Variants in MAMDC2 observed in about 807,000 individuals in gnomAD.
MAMDC2 encodes MAM domain containing 2.
In MAMDC2, 57 loss-of-function variants were observed where a neutral mutation model predicts 89.8. That is an observed-to-expected ratio of 0.63 (90% confidence interval 0.51 to 0.79). MAMDC2 has a LOEUF of 0.79. MAMDC2 is among the 30% of genes least tolerant of loss of function. The probability of loss-of-function intolerance (pLI) is 0.00; values close to 1 mark genes in which losing one functional copy is unlikely to be tolerated. For synonymous variants in MAMDC2, 313 were observed against 293.4 expected, an observed-to-expected ratio of 1.07 and a Z score of -0.68; for missense variants, 800 against 820.6, an observed-to-expected ratio of 0.97 and a Z score of 0.31.
chr9:70,220,403 T>C (rs973862306), intron 12 of MAMDC2, among the ~76,000 whole-genome samples: 1 of 152,192 alleles, frequency 6.6e-6, no homozygotes, highest in Non-Finnish European at 1.5e-5. Context: ...ATCCTCCCCC[T>C]TGGCTTAGAA....
chr9:70,167,254 C>A (rs1421431190), intron 9 of MAMDC2, among the ~76,000 whole-genome samples: 1 of 152,112 alleles, frequency 6.6e-6, no homozygotes, highest in Non-Finnish European at 1.5e-5. Context: ...GCAAGTAAAC[C>A]TTCACACATC....
chr9:70,104,603 G>A (rs1370413683), intron 2 of MAMDC2, among the ~76,000 whole-genome samples: 1 of 152,144 alleles, frequency 6.6e-6, no homozygotes. Context: ...TAGAATATTA[G>A]CCCCCAAAAA....
chr9:70,140,633 T>G (rs952965081), intron 8 of MAMDC2, among the ~76,000 whole-genome samples: 2 of 152,164 alleles, frequency 1.3e-5, no homozygotes, highest in African/African-American at 2.4e-5. Context: ...TTTCAGTGGT[T>G]GCCAGGGGCC....
At position 70,218,455 on chromosome 9, in the gene MAMDC2, T is replaced by C. The variant is rs375714850; in HGVS notation, c.1770T>C (p.Tyr590=). The C allele has an allele frequency of 1.9e-4, 305 of 1,613,992 alleles. No homozygotes were observed. Among genetic ancestry groups the C allele is most frequent in the Non-Finnish European group, 2.5e-4 (295 of 1,180,034 alleles). Residue 590 remains tyrosine (Y), a synonymous_variant, in exon 12 of 14, where the codon TAT becomes TAC. Transcript: ENST00000377182. Reference sequence around the variant, plus strand: ...GCTTGACCTTTTTCTACCACATGTATGGAGGGGGCACTGGCCTGCTGAGTG... The same window carrying C: ...GCTTGACCTTTTTCTACCACATGTACGGAGGGGGCACTGGCCTGCTGAGTG... ...KHCLTFFYHM[Y]GGGTGLLSVY...
At chr9:70,118,684 T>C (rs898575245) in intron 5 of MAMDC2, among the ~76,000 whole-genome samples, 1 of 152,194 alleles carries the variant, frequency 6.6e-6, no homozygotes, top group African/African-American at 2.4e-5. Context: ...TGTTCATTCA[T>C]ATACCGGACG....
At chr9:70,044,370 C>T (rs968368102) in intron 1 of MAMDC2, 139 bp downstream of exon 1, 87 of 1,009,694 alleles carry the variant, frequency 8.6e-5, no homozygotes, top group Middle Eastern at 2.4e-4. Context: ...CGCTAACTCC[C>T]TCCCCTGGCC....
At chr9:70,054,478 A>T (rs1201780692) in intron 2 of MAMDC2, among the ~76,000 whole-genome samples, 1 of 152,182 alleles carries the variant, frequency 6.6e-6, no homozygotes, top group Admixed American at 6.5e-5. Context: ...AACAAATGGG[A>T]AATGTCAATA....
intron 11 of MAMDC2, among the ~76,000 whole-genome samples, chr9:70,209,135 T>A (rs536012497): frequency 3.9e-4 from 60 of 152,198 alleles, no homozygotes; most frequent in Non-Finnish European, 6.6e-4. Context: ...CAGGATGATG[T>A]TGGCCTCATA....
intron 11 of MAMDC2, among the ~76,000 whole-genome samples, chr9:70,173,888 C>T (rs1333708248): frequency 6.6e-6 from 1 of 152,200 alleles, no homozygotes; most frequent in Non-Finnish European, 1.5e-5. Flanking sequence ...GAGAAAGTTA[C>T]TTAAAATCTC....
intron 2 of MAMDC2, among the ~76,000 whole-genome samples, chr9:70,065,911 GT>G (rs975623539): frequency 6.6e-6 from 1 of 152,088 alleles, no homozygotes; most frequent in African/African-American, 2.4e-5. Flanking sequence ...TCTTGAGCAA[GT>G]TTGTTTATTT....
chr9:70,143,823 C>T lies in MAMDC2; in HGVS notation c.1404+4C>T. On this transcript the variant is annotated splice_donor_region_variant and intron_variant, in intron 9 of 13. Coordinates refer to ENST00000377182, the MANE Select transcript of MAMDC2 (RefSeq NM_153267.5). ...TAAGAAGCCCATGCCTACCAAGGTA[C>T]AGCAGAGCCAATTTCTCCTGTGTCC... The T allele has an allele frequency of 6.2e-7, 1 of 1,611,744 alleles. No individual in the cohort carries two copies. The highest frequency in any genetic ancestry group is 8.5e-7 in the Non-Finnish European group (1 of 1,178,492).
chr9:70,105,392 C>T (rs1376726067), intron 2 of MAMDC2, among the ~76,000 whole-genome samples: 1 of 152,064 alleles, frequency 6.6e-6, no homozygotes, highest in African/African-American at 2.4e-5. Flanking sequence ...GAAAATTAGT[C>T]TTGAAGTTGG....
chr9:70,156,911 G>A (rs1260657865), intron 9 of MAMDC2, among the ~76,000 whole-genome samples: 1 of 152,140 alleles, frequency 6.6e-6, no homozygotes, highest in Non-Finnish European at 1.5e-5. Context: ...AGATAGATTA[G>A]CACAACTGGT....
chr9:70,113,014 T>G lies in MAMDC2; in HGVS notation c.525T>G (p.Asn175Lys). ...CCCCAGAATGTGACTTTGAAGAAAA[T>G]CATCTCTGTGGCTTTGTGAACCGCT... ...GYCIECDFEE[N>K]HLCGFVNRWN... The change falls in exon 5 of 14, where the codon AAT (asparagine) becomes AAG (lysine). Residue 175 changes from asparagine to lysine, a missense_variant. Transcript: ENST00000377182. The G allele has an allele frequency of 6.2e-7, 1 of 1,614,084 alleles. No homozygotes were observed. The highest frequency in any genetic ancestry group is 8.5e-7 in the Non-Finnish European group (1 of 1,179,992).
intron 12 of MAMDC2, among the ~76,000 whole-genome samples, chr9:70,221,211 C>T (rs1250213412): frequency 6.7e-6 from 1 of 150,036 alleles, no homozygotes; most frequent in South Asian, 2.1e-4. Context: ...AAGCCAAGGC[C>T]GGGCACAGTG....
chr9:70,161,857 C>T (rs918112188), intron 9 of MAMDC2, among the ~76,000 whole-genome samples: 2 of 152,094 alleles, frequency 1.3e-5, no homozygotes, highest in Non-Finnish European at 2.9e-5. Context: ...CTGTAGTTGT[C>T]GTAACCAAAT....
intron 2 of MAMDC2, among the ~76,000 whole-genome samples, chr9:70,097,366 C>T (rs979729058): frequency 7.2e-5 from 11 of 152,194 alleles, no homozygotes; most frequent in African/African-American, 1.9e-4. Flanking sequence ...TGACAGATTG[C>T]GTAATGAATT....
intron 11 of MAMDC2, among the ~76,000 whole-genome samples, chr9:70,190,612 T>C (rs184088136): frequency 1.3e-3 from 198 of 152,106 alleles, no homozygotes; most frequent in African/African-American, 4.6e-3. Context: ...ACATGGCCTT[T>C]CAGATTTCCA....
intron 3 of MAMDC2, chr9:70,109,372 C>T (rs533579646): frequency 4.1e-4 from 93 of 224,178 alleles, no homozygotes; most frequent in African/African-American, 1.8e-3. Flanking sequence ...AAAGTGATTA[C>T]TTTCAGAAAC....
Sources: gnomAD v4.1 joint callset for allele counts (sites outside exome capture counted in the v4.1 genomes callset) on GRCh38, gnomAD v4.1.1 for gene constraint, MANE v1.5 for transcripts, NCBI Gene and HGNC (gene_info 2026-07-23, HGNC 2026-07-21) for gene names.